The following FBXO21 variants were observed in gnomAD, a reference collection of about 807,000 sequenced individuals.
FBXO21 encodes the protein F-box protein 21.
In FBXO21, 32 loss-of-function variants were observed where a neutral mutation model predicts 76.6. The observed-to-expected ratio is 0.42, with a 90% CI of 0.32 to 0.56. The LOEUF is 0.56. Ranked by LOEUF, FBXO21 falls within the 20% of genes least tolerant of loss-of-function variation. The pLI is 0.16. For synonymous variants in FBXO21, 328 were observed against 311.5 expected (o/e 1.05, Z -0.56); for missense variants, 586 against 797.3 (o/e 0.73, Z 3.19).
At chr12:117,190,112 G>GGGGTCCGCGCGC (rs1956329485) in intron 1 of FBXO21, 106 bp downstream of exon 1, 2 of 482,364 alleles carry the variant, frequency 4.1e-6, no homozygotes, top group Non-Finnish European at 5.4e-6. Flanking sequence ...GGTCCGGGGT[G>GGGGTCCGCGCGC]GGGTCCGCGC....
At chr12:117,148,230 C>G (rs1056369675) in intron 11 of FBXO21, among the ~76,000 whole-genome samples, 4 of 152,206 alleles carry the variant, frequency 2.6e-5, no homozygotes, top group African/African-American at 9.7e-5. Flanking sequence ...GCTGTTTCGG[C>G]AGACTGTGAC....
At chr12:117,185,677 C>T (rs1377436231) in intron 3 of FBXO21, among the ~76,000 whole-genome samples, 1 of 152,154 alleles carries the variant, frequency 6.6e-6, no homozygotes, top group Non-Finnish European at 1.5e-5. Flanking sequence ...GAAAGGCTCA[C>T]CCAAAGATCT....
intron 2 of FBXO21, among the ~76,000 whole-genome samples, chr12:117,187,975 T>C (rs749287315): frequency 1.3e-5 from 2 of 152,236 alleles, no homozygotes; most frequent in African/African-American, 2.4e-5. Context: ...GTATTCTCCA[T>C]AGGGGAAAAC....
At chr12:117,190,083 C>T (rs1235423711) in intron 1 of FBXO21, 135 bp downstream of exon 1, 1 of 299,738 alleles carries the variant, frequency 3.3e-6, no homozygotes, top group Non-Finnish European at 4.9e-6. Context: ...AGGCCTTTGT[C>T]TGTCTGTCCG....
intron 3 of FBXO21, among the ~76,000 whole-genome samples, chr12:117,180,959 C>T (rs937042837): frequency 1.3e-5 from 2 of 152,136 alleles, no homozygotes; most frequent in Admixed American, 6.5e-5. Context: ...CATATGTTCT[C>T]CCCCACTGTC....
At chr12:117,184,172 GAAAGAAAAGAAAAA>G (rs1286866174) in intron 3 of FBXO21, among the ~76,000 whole-genome samples, 3 of 149,222 alleles carry the variant, frequency 2.0e-5, no homozygotes, top group African/African-American at 7.3e-5. Flanking sequence ...ACATCCAAAT[GAAAGAAAAGAAAAA>G]AGCAAAACAA....
chr12:117,174,122 G>C (rs1204319184), intron 6 of FBXO21, 83 bp downstream of exon 6: 2 of 1,147,880 alleles, frequency 1.7e-6, no homozygotes, highest in East Asian at 4.7e-5. Context: ...GAGCAACAGA[G>C]CGAGACCCTG....
chr12:117,189,645 C>T (rs969161503), intron 1 of FBXO21, among the ~76,000 whole-genome samples: 1 of 152,108 alleles, frequency 6.6e-6, no homozygotes, highest in Admixed American at 6.5e-5. Flanking sequence ...ACTGATTGAG[C>T]GCCTCCTAGG....
At position 117,159,906 on chromosome 12, in the gene FBXO21, G is replaced by C. The variant is rs1421904074; in HGVS notation, c.1327-1843C>G. 2.6e-5 allele frequency among the ~76,000 whole-genome samples: 4 copies of C among 152,358 alleles called. No homozygotes were observed. In the East Asian group the frequency reaches 5.8e-4, roughly 22 times the overall value. On this transcript the variant is annotated intron_variant, in intron 9 of 11. Transcript: ENST00000622495. The stretch of plus-strand genomic sequence containing the variant: ...CGCTGGATGTGTGGCTGAGCGCGAA[G>C]GGAGAGGGCAGAAATGAAGACATTG...
intron 2 of FBXO21, among the ~76,000 whole-genome samples, chr12:117,187,594 A>C (rs1255387535): frequency 6.6e-6 from 1 of 152,192 alleles, no homozygotes; most frequent in African/African-American, 2.4e-5. Context: ...GATTAATGTT[A>C]AGTATGCTCC....
At chr12:117,186,631 T>C in intron 2 of FBXO21, 60 bp from the exon 3 acceptor site, 2 of 1,096,408 alleles carry the variant, frequency 1.8e-6, no homozygotes, top group East Asian at 4.7e-5. Flanking sequence ...ACTCTCACTC[T>C]CACAAATTTG....
intron 10 of FBXO21, among the ~76,000 whole-genome samples, chr12:117,156,970 G>A (rs539316926): frequency 6.6e-6 from 1 of 152,170 alleles, no homozygotes; most frequent in Non-Finnish European, 1.5e-5. Context: ...ATCACTTGAG[G>A]TCAGGAGTTA....
chr12:117,171,121 T>C (rs1490630662), intron 7 of FBXO21, among the ~76,000 whole-genome samples: 1 of 151,928 alleles, frequency 6.6e-6, no homozygotes, highest in Non-Finnish European at 1.5e-5. Context: ...CCCAGCACCT[T>C]GGGAGGCTGA....
chr12:117,172,381 A>G, intron 7 of FBXO21, 90 bp downstream of exon 7: 1 of 1,454,004 alleles, frequency 6.9e-7, no homozygotes, highest in East Asian at 2.3e-5. Context: ...CTGTGTGGTA[A>G]CACCCAACTT....
At chr12:117,154,045 T>C (rs1012795785) in intron 11 of FBXO21, among the ~76,000 whole-genome samples, 1 of 152,252 alleles carries the variant, frequency 6.6e-6, no homozygotes, top group Non-Finnish European at 1.5e-5. Flanking sequence ...CACGGTGTTG[T>C]TGAAAAGAAA....
At chr12:117,179,070 C>G (rs895229672) in intron 3 of FBXO21, among the ~76,000 whole-genome samples, 1 of 152,170 alleles carries the variant, frequency 6.6e-6, no homozygotes, top group African/African-American at 2.4e-5. Context: ...TGAAACTTAT[C>G]TGGCTGACAT....
In FBXO21 at chr12:117,190,296, C is replaced by T; in HGVS notation, c.161G>A (p.Arg54His). 6.5e-7 allele frequency: 1 copy of T among 1,531,260 alleles called. No individual in the cohort carries two copies. Among genetic ancestry groups the T allele is most frequent in the Non-Finnish European group, 8.7e-7 (1 of 1,150,174 alleles). The allele number at this position is 1,531,260 out of a possible 1,614,324, so 94.9% of individuals were successfully genotyped here. A position where few individuals can be genotyped will look rare whatever the true frequency, so the allele number is the denominator to read the frequency against. Residue 54 changes from arginine (R) to histidine (H), a missense_variant, in exon 1 of 12, where the codon CGT (arginine) becomes CAT (histidine). Physicochemically the swap from Arg to His is conservative, Grantham distance 29. Coordinates refer to ENST00000622495, the MANE Select transcript of FBXO21 (RefSeq NM_015002.3). ...CGSLTAADIGRVSSTCRRLRE... is the reference protein window; with the variant it reads ...CGSLTAADIGHVSSTCRRLRE... The stretch of plus-strand genomic sequence containing the variant: ...CAGCCGCCGGCAGGTGCTGGAGACA[C>T]GGCCGATGTCGGCGGCCGTCAGCGA...
intron 2 of FBXO21, among the ~76,000 whole-genome samples, chr12:117,186,905 T>C (rs1185229877): frequency 6.6e-6 from 1 of 152,234 alleles, no homozygotes; most frequent in Non-Finnish European, 1.5e-5. Flanking sequence ...GGCAGGCAGA[T>C]AACCTGAGGT....
chr12:117,164,904 T>C (rs1014548423), intron 9 of FBXO21, among the ~76,000 whole-genome samples: 4 of 152,314 alleles, frequency 2.6e-5, no homozygotes, highest in Admixed American at 1.3e-4. Context: ...GGCCTCTCCA[T>C]GTGCTGCAGC....
Sources: gnomAD v4.1 joint callset for allele counts (sites outside exome capture counted in the v4.1 genomes callset) on GRCh38, gnomAD v4.1.1 for gene constraint, MANE v1.5 for transcripts, NCBI Gene and HGNC (gene_info 2026-07-23, HGNC 2026-07-21) for gene names.